SLC12A5: variants seen among roughly 807,000 people sequenced by gnomAD.
SLC12A5 encodes the protein K-Cl cotransporter 2.
A neutral mutation model predicts 124.0 loss-of-function variants in SLC12A5; 18 were observed. That is an observed-to-expected ratio of 0.15 (90% CI 0.10 to 0.22). The LOEUF is 0.22. Ranked by LOEUF, SLC12A5 falls within the 10% of genes least tolerant of loss-of-function variation. The probability of loss-of-function intolerance (pLI) is 1.00; values close to 1 mark genes in which losing one functional copy is unlikely to be tolerated. For missense variants in SLC12A5, 867 were observed against 1,478.7 expected (o/e 0.59, Z 6.78); for synonymous variants, 589 against 568.0 (o/e 1.04, Z -0.53).
chr20:46,055,864 G>A (rs912826487), intron 21 of SLC12A5: 58 of 406,774 alleles, frequency 1.4e-4, no homozygotes, highest in African/African-American at 1.1e-3. Context: ...CATGGTCACT[G>A]ACCAGTGGAC....
chr20:46,036,804 C>T lies in SLC12A5; in HGVS notation c.481+9C>T. On this transcript the variant is annotated intron_variant, in intron 5 of 25. Transcript: ENST00000243964. The stretch of plus-strand genomic sequence containing the variant: ...GAATGGTGTTGTGCCTGGTAGGTGA[C>T]TGGGGCTTTGTGGGGAGGGAGGATG... 6.2e-7 allele frequency: 1 copy of T among 1,613,820 alleles called. No homozygotes were observed. Among genetic ancestry groups the T allele is most frequent in the South Asian group, 1.1e-5 (1 of 91,072 alleles).
rs1342370841 is a variant in SLC12A5 at position 46,057,127 on chromosome 20, C to T, written c.3126-43C>T. The T allele has an allele frequency of 1.2e-6, 2 of 1,607,570 alleles. No homozygotes were observed. Among genetic ancestry groups the T allele is most frequent in the South Asian group, 1.1e-5 (1 of 90,676 alleles). ...GGGCGACTGGCTCCAATCTTCTCTA[C>T]CCCCCCGGCTCACGCGGTCTCCACT... On this transcript the variant is annotated intron_variant, in intron 24 of 25. Coordinates refer to ENST00000243964, the MANE Select transcript of SLC12A5 (RefSeq NM_020708.5). This position sits in a 1 kb window ranked among gnomAD's most constrained non-coding sequence, Gnocchi z 7.1.
At chr20:46,026,539 G>A (rs1019389149), upstream of SLC12A5, among the ~76,000 whole-genome samples, 1 of 152,258 alleles carries the variant, frequency 6.6e-6, no homozygotes, top group South Asian at 2.1e-4. Flanking sequence ...GGTGAGGGGT[G>A]TCAGTGGAGG....
chr20:46,044,840 C>A, intron 11 of SLC12A5, 126 bp from the exon 12 acceptor site: 2 of 1,016,382 alleles, frequency 2.0e-6, no homozygotes, highest in Non-Finnish European at 3.0e-6. Flanking sequence ...CTCTGCCTCC[C>A]CTGTCACCCT....
In SLC12A5 at chr20:46,043,334, G is replaced by T. The variant is rs371156168; in HGVS notation, c.1237+11G>T. On this transcript the variant is annotated intron_variant, in intron 9 of 25. Coordinates refer to ENST00000243964, the MANE Select transcript of SLC12A5 (RefSeq NM_020708.5). Reference sequence around the variant, plus strand: ...TCCCCTCAGTCACAGGTGAAGGGGAGCTCAGAGAGGGAAGACTCTGCCTGT... The same window carrying T: ...TCCCCTCAGTCACAGGTGAAGGGGATCTCAGAGAGGGAAGACTCTGCCTGT... 12 of 1,612,148 alleles carry T rather than the reference G, an allele frequency of 7.4e-6. No individual in the cohort carries two copies. In the African/African-American group the frequency reaches 1.6e-4, roughly 22 times the overall value.
At position 46,058,772 on chromosome 20, in the gene SLC12A5, G is replaced by C. The variant is rs535544552; in HGVS notation, c.*1167G>C. On this transcript the variant is annotated 3_prime_UTR_variant, in exon 26 of 26. Transcript: ENST00000243964. This position sits in a 1 kb window ranked among gnomAD's most constrained non-coding sequence, Gnocchi z 5.8. ...GGGGCCGATTCTGGTTTAGGGGCCGGACCCACTGAGAGGCCCCAGAGCCGC... is the reference window on the plus strand; with the variant it reads ...GGGGCCGATTCTGGTTTAGGGGCCGCACCCACTGAGAGGCCCCAGAGCCGC... 5.0e-6 allele frequency: 2 copies of C among 398,410 alleles called. No individual in the cohort carries two copies. The highest frequency in any genetic ancestry group is 8.8e-6 in the Non-Finnish European group (2 of 226,118). The allele number at this position is 398,410 out of a possible 1,614,324, so 24.7% of individuals were successfully genotyped here.
At chr20:46,046,463 CTG>C (rs2084596283) in intron 14 of SLC12A5, 27 bp downstream of exon 14, 3 of 1,599,164 alleles carry the variant, frequency 1.9e-6, no homozygotes, top group Non-Finnish European at 2.6e-6. Flanking sequence ...CACACTTCCA[CTG>C]AGCCACTTGC....
chr20:46,021,808 C>T (rs1432569987), upstream of SLC12A5: 76 of 1,534,230 alleles, frequency 5.0e-5, no homozygotes, highest in Non-Finnish European at 6.4e-5. Flanking sequence ...CCCCGCAGGG[C>T]CCGCCAGAAG....
chr20:46,023,977 T>A (rs1366162816), downstream of SLC12A5, among the ~76,000 whole-genome samples: 1 of 152,194 alleles, frequency 6.6e-6, no homozygotes, highest in Non-Finnish European at 1.5e-5. Flanking sequence ...GGCTTAGGAA[T>A]AAGACGGCCC....
rs1159935404 is a variant in SLC12A5 at position 46,058,974 on chromosome 20, T to C, written c.*1369T>C. The C allele has an allele frequency of 2.7e-6, 1 of 373,802 alleles. No homozygotes were observed. Among genetic ancestry groups the C allele is most frequent in the Non-Finnish European group, 4.7e-6 (1 of 211,026 alleles). 23.2% of individuals were successfully genotyped at this position (373,802 alleles called of 1,614,324 possible). ...TCGCACGCGCTTTGTCCTTAGCGCC[T>C]GTCTGCTCTCCTCTAACTAGGACCC... is the stretch of plus-strand genomic sequence containing the variant. On this transcript the variant is annotated 3_prime_UTR_variant, in exon 26 of 26. Coordinates refer to ENST00000243964, the MANE Select transcript of SLC12A5 (RefSeq NM_020708.5). This position sits in a 1 kb window ranked among gnomAD's most constrained non-coding sequence, Gnocchi z 5.8.
chr20:46,040,731 G>T, intron 7 of SLC12A5, 117 bp downstream of exon 7: 2 of 1,471,432 alleles, frequency 1.4e-6, no homozygotes, highest in Non-Finnish European at 9.1e-7. Context: ...GTGTGGGTTG[G>T]GAGTAGCTTC....
chr20:46,026,355 T>G (rs2084398455), upstream of SLC12A5, among the ~76,000 whole-genome samples: 1 of 152,116 alleles, frequency 6.6e-6, no homozygotes, highest in African/African-American at 2.4e-5. Context: ...CCAGGGTTCT[T>G]GGTGGGGAGG....
intron 1 of SLC12A5, chr20:46,021,929 C>A (rs1468206240): frequency 2.7e-6 from 4 of 1,464,030 alleles, no homozygotes; most frequent in Non-Finnish European, 2.7e-6. Context: ...CCGGGCGGGA[C>A]GAGGGGGAGG....
chr20:46,029,187 C>T (rs2084422798), upstream of SLC12A5: 2 of 1,435,998 alleles, frequency 1.4e-6, no homozygotes, highest in South Asian at 1.5e-5. Flanking sequence ...TGTCCGTGTG[C>T]GAGTGTGTGT....
intron 1 of SLC12A5, 108 bp from the exon 2 acceptor site, chr20:46,034,840 A>C: frequency 1.0e-6 from 1 of 972,034 alleles, no homozygotes; most frequent in South Asian, 1.4e-5. Context: ...CCATTTTCCC[A>C]ATGCGCGAAC....
chr20:46,022,102 G>C (rs2084361000), intron 1 of SLC12A5: 1 of 528,756 alleles, frequency 1.9e-6, no homozygotes, highest in Non-Finnish European at 3.1e-6. Context: ...CGCGAGGTGG[G>C]CGTGGCCACG....
Position 46,059,521 on chromosome 20 carries a change from A to C in SLC12A5, c.*1916A>C. The C allele has an allele frequency of 2.5e-6, 1 of 399,000 alleles. No homozygotes were observed. Among genetic ancestry groups the C allele is most frequent in the African/African-American group, 2.1e-5 (1 of 48,708 alleles). The allele number at this position is 399,000 out of a possible 1,614,324, so 24.7% of individuals were successfully genotyped here. ...CCTTCTGGGGGCCTGAATATTCCAGAGCTGATGTGATGGGCTGTGCAGAAG... is the reference window on the plus strand; with the variant it reads ...CCTTCTGGGGGCCTGAATATTCCAGCGCTGATGTGATGGGCTGTGCAGAAG... On this transcript the variant is annotated 3_prime_UTR_variant, in exon 26 of 26. Transcript: ENST00000243964.
Position 46,049,865 on chromosome 20 carries a change from T to C in SLC12A5, c.2181+75T>C, listed in dbSNP as rs78102926. 4.0e-4 allele frequency: 567 copies of C among 1,434,282 alleles called. 2 individuals are homozygous for C. In the African/African-American group the frequency reaches 7.5e-3, roughly 19 times the overall value. 88.8% of individuals were successfully genotyped at this position (1,434,282 alleles called of 1,614,324 possible). On this transcript the variant is annotated intron_variant, in intron 17 of 25. Coordinates refer to ENST00000243964, the MANE Select transcript of SLC12A5 (RefSeq NM_020708.5). ...AGACAGTCTCTATCCTTTTGTACTT[T>C]CCTTCCTCATCACCTTCAGGATCAA...
chr20:46,024,750 C>A (rs1434854340), upstream of SLC12A5, among the ~76,000 whole-genome samples: 1 of 152,230 alleles, frequency 6.6e-6, no homozygotes, highest in East Asian at 1.9e-4. Context: ...CTGCCACTAA[C>A]CCTGGATTGC....
Sources: gnomAD v4.1 joint callset for allele counts (sites outside exome capture counted in the v4.1 genomes callset) on GRCh38, gnomAD v4.1.1 for gene constraint, Gnocchi (gnomAD v3.1) non-coding constraint, MANE v1.5 for transcripts, NCBI Gene and HGNC (gene_info 2026-07-23, HGNC 2026-07-21) for gene names.